The following SOBP variants were observed in gnomAD, a reference collection of about 807,000 sequenced individuals.
SOBP encodes the protein sine oculis-binding protein homolog.
SOBP carries 4 observed loss-of-function variants against 53.6 expected under a neutral mutation model. The ratio of observed to expected loss-of-function variants is 0.07; its 90% CI spans 0.04 to 0.17. The LOEUF (loss-of-function observed/expected upper bound fraction) is 0.17. SOBP is among the 10% of genes least tolerant of loss of function. The pLI is 1.00. For synonymous variants in SOBP, 584 were observed against 522.6 expected (o/e 1.12, Z -1.60); for missense variants, 1,088 against 1,204.7 (o/e 0.90, Z 1.43).
intron 5 of SOBP, among the ~76,000 whole-genome samples, chr6:107,608,338 G>A (rs1277285650): frequency 6.6e-6 from 1 of 152,142 alleles, no homozygotes; most frequent in Non-Finnish European, 1.5e-5. Flanking sequence ...GAAAAAAATG[G>A]GGGGCTAGAT....
chr6:107,564,138 G>A (rs920731570), intron 4 of SOBP, among the ~76,000 whole-genome samples: 72 of 152,184 alleles, frequency 4.7e-4, no homozygotes, highest in Admixed American at 5.2e-4. Flanking sequence ...ATGTGCGCGC[G>A]TTTCCCTATA....
At chr6:107,504,528 G>A (rs1383542295) in intron 2 of SOBP, among the ~76,000 whole-genome samples, 4 of 152,188 alleles carry the variant, frequency 2.6e-5, no homozygotes, top group Non-Finnish European at 5.9e-5. Context: ...ATGAGAGCTT[G>A]CTTGTCAAAG....
intron 1 of SOBP, among the ~76,000 whole-genome samples, chr6:107,501,317 G>A (rs1782839255): frequency 6.6e-6 from 1 of 152,202 alleles, no homozygotes; most frequent in South Asian, 2.1e-4. Context: ...GGTTCTGAAA[G>A]GCTGAATGGA....
At chr6:107,562,421 G>T (rs1243614513) in intron 4 of SOBP, among the ~76,000 whole-genome samples, 2 of 152,172 alleles carry the variant, frequency 1.3e-5, no homozygotes, top group Non-Finnish European at 2.9e-5. Flanking sequence ...CAAGCCATTT[G>T]GTGCATGCTG....
chr6:107,522,010 AC>A (rs1783514290), intron 3 of SOBP, among the ~76,000 whole-genome samples: 1 of 151,528 alleles, frequency 6.6e-6, no homozygotes, highest in Non-Finnish European at 1.5e-5. Flanking sequence ...GTCGGATCTG[AC>A]CAGGTTTGGG....
chr6:107,594,254 G>A (rs1034044282), intron 5 of SOBP, among the ~76,000 whole-genome samples: 11 of 152,152 alleles, frequency 7.2e-5, no homozygotes, highest in African/African-American at 2.7e-4. Flanking sequence ...AAGGTGTTTA[G>A]AACAGTATTT....
At chr6:107,613,829 G>A (rs1162321319) in intron 5 of SOBP, among the ~76,000 whole-genome samples, 4 of 152,198 alleles carry the variant, frequency 2.6e-5, no homozygotes. Context: ...GCCTTTCAGA[G>A]ATATTTGGGT....
intron 4 of SOBP, among the ~76,000 whole-genome samples, chr6:107,575,073 GT>G (rs1378582384): frequency 1.3e-5 from 2 of 152,028 alleles, no homozygotes; most frequent in Non-Finnish European, 2.9e-5. Context: ...TGGCATGGGG[GT>G]TGAGATCTGC....
chr6:107,634,908 G>A lies in SOBP; in HGVS notation c.2064G>A (p.Arg688=). Residue 688 remains arginine (R), a synonymous_variant, in exon 6 of 7, where the codon AGG becomes AGA. Coordinates refer to ENST00000317357, the MANE Select transcript of SOBP (RefSeq NM_018013.4). The surrounding 1 kb of genome is among the most constrained non-coding windows in gnomAD (Gnocchi z 4.5). ...AEREPSAAER[R]TCGGCRDGHC... is the part of the protein sequence containing the mutation. Reference sequence around the variant, plus strand: ...GCGAGCCGAGCGCCGCGGAGCGCAGGACCTGCGGCGGCTGCAGGGACGGCC... The same window carrying A: ...GCGAGCCGAGCGCCGCGGAGCGCAGAACCTGCGGCGGCTGCAGGGACGGCC... 8.0e-7 allele frequency: 1 copy of A among 1,242,734 alleles called. No homozygotes were observed. The highest frequency in any genetic ancestry group is 1.0e-6 in the Non-Finnish European group (1 of 984,626). The allele number at this position is 1,242,734 out of a possible 1,614,324, so 77.0% of individuals were successfully genotyped here. A position where few individuals can be genotyped will look rare whatever the true frequency, so the allele number is the denominator to read the frequency against.
At chr6:107,562,094 A>T (rs1044323327) in intron 4 of SOBP, among the ~76,000 whole-genome samples, 3 of 146,638 alleles carry the variant, frequency 2.0e-5, no homozygotes, top group African/African-American at 7.6e-5. Flanking sequence ...GCAGTGGTGC[A>T]ATCTTGGCTC....
chr6:107,625,804 C>T (rs1171158313), intron 5 of SOBP, among the ~76,000 whole-genome samples: 1 of 152,150 alleles, frequency 6.6e-6, no homozygotes, highest in Non-Finnish European at 1.5e-5. Flanking sequence ...GAACTAAAAC[C>T]ACATATTTTA....
intron 5 of SOBP, 148 bp from the exon 6 acceptor site, chr6:107,633,366 A>C (rs542615511): frequency 1.1e-4 from 106 of 982,230 alleles, no homozygotes; most frequent in Admixed American, 3.6e-4. Context: ...CAAACATTTC[A>C]GAATTTTACC....
At chr6:107,511,964 T>G (rs1783183443) in intron 3 of SOBP, among the ~76,000 whole-genome samples, 1 of 148,258 alleles carries the variant, frequency 6.7e-6, no homozygotes, top group African/African-American at 2.5e-5. Flanking sequence ...CCCGCCCCCA[T>G]GCAGTGAAGG....
At chr6:107,597,169 A>G (rs1438482542) in intron 5 of SOBP, among the ~76,000 whole-genome samples, 1 of 152,202 alleles carries the variant, frequency 6.6e-6, no homozygotes, top group Non-Finnish European at 1.5e-5. Flanking sequence ...AAGGGAGGCA[A>G]TATTGAACGT....
chr6:107,634,372 G>C lies in SOBP; in HGVS notation c.1528G>C (p.Gly510Arg), dbSNP rs1770880446. 5.6e-6 allele frequency: 9 copies of C among 1,594,440 alleles called. No individual in the cohort carries two copies. The highest frequency in any genetic ancestry group is 7.6e-6 in the Non-Finnish European group (9 of 1,176,986). ...GCCGGTGCCCCAGATGATGAATTTC[G>C]GGCTGCCGTCGCTTGCCCCGCTGGT... Reference protein sequence around the residue: ...PMPVPQMMNFGLPSLAPLVPP... With the variant: ...PMPVPQMMNFRLPSLAPLVPP... The change falls in exon 6 of 7, where the codon GGG (glycine) becomes CGG (arginine). Residue 510 changes from glycine (G) to arginine (R), a missense_variant. By Grantham distance (125) the Gly-to-Arg change is moderately radical (BLOSUM62 -2). Coordinates refer to ENST00000317357, the MANE Select transcript of SOBP (RefSeq NM_018013.4). The surrounding 1 kb of genome is among the most constrained non-coding windows in gnomAD (Gnocchi z 4.5).
At position 107,634,834 on chromosome 6, in the gene SOBP, C is replaced by A. The variant is rs1161282407; in HGVS notation, c.1990C>A (p.Leu664Met). 7.1e-7 allele frequency: 1 copy of A among 1,408,122 alleles called. No homozygotes were observed. Among genetic ancestry groups the A allele is most frequent in the South Asian group, 1.4e-5 (1 of 71,606 alleles). The allele number at this position is 1,408,122 out of a possible 1,614,324, so 87.2% of individuals were successfully genotyped here. The change falls in exon 6 of 7, where the codon CTG (leucine) becomes ATG (methionine). Residue 664 changes from leucine (L) to methionine (M), a missense_variant. This residue lies in a region of SOBP where 665 missense variants were observed against 629.7 expected (regional missense o/e 1.06). Coordinates refer to ENST00000317357, the MANE Select transcript of SOBP (RefSeq NM_018013.4). This position sits in a 1 kb window ranked among gnomAD's most constrained non-coding sequence, Gnocchi z 4.5. ...CCTGACCGTGGGCCACCGAGCCCGG[C>A]TGCACAACGTGATCCACCGCGCGCT... ...IDLTVGHRAR[L>M]HNVIHRALHA...
chr6:107,579,465 G>A (rs187352328), intron 4 of SOBP, among the ~76,000 whole-genome samples: 329 of 152,294 alleles, frequency 2.2e-3, no homozygotes, highest in African/African-American at 7.6e-3. Context: ...TTTCAGAACC[G>A]CTTAAGCAAC....
At chr6:107,620,526 C>T (rs978391757) in intron 5 of SOBP, among the ~76,000 whole-genome samples, 3 of 152,208 alleles carry the variant, frequency 2.0e-5, no homozygotes, top group African/African-American at 7.2e-5. Flanking sequence ...AATGAGACAG[C>T]AGGGCCATGA....
chr6:107,569,884 T>TTCTCACCCCCCTTTGCAGCCCATC (rs1324012308), intron 4 of SOBP, among the ~76,000 whole-genome samples: 14 of 152,212 alleles, frequency 9.2e-5, no homozygotes, highest in Non-Finnish European at 1.3e-4. Flanking sequence ...GCCGCCTGCA[T>TTCTCACCCCCCTTTGCAGCCCATC]TCTCACCCCC....
Sources: gnomAD v4.1 joint callset for allele counts (sites outside exome capture counted in the v4.1 genomes callset) on GRCh38, gnomAD v4.1.1 for gene constraint, gnomAD v4.1.1 regional missense constraint, Gnocchi (gnomAD v3.1) non-coding constraint, MANE v1.5 for transcripts, NCBI Gene and HGNC (gene_info 2026-07-23, HGNC 2026-07-21) for gene names.